The following C4orf50 variants were observed in gnomAD, a reference collection of about 807,000 sequenced individuals.
The protein encoded by C4orf50 is uncharacterized protein C4orf50.
A neutral mutation model predicts 77.2 loss-of-function variants in C4orf50; 80 were observed. The observed-to-expected ratio is 1.04, with a 90% confidence interval of 0.87 to 1.25. The LOEUF (loss-of-function observed/expected upper bound fraction) is 1.25, where lower values mean the gene tolerates loss of function less well. C4orf50 is among the 50% of genes most tolerant of loss of function. The pLI, the probability that C4orf50 is intolerant of heterozygous loss-of-function variation, is 0.00. For missense variants in C4orf50, 1,257 were observed against 1,152.9 expected (o/e 1.09, Z -1.31); for synonymous variants, 532 against 465.3 (o/e 1.14, Z -1.84).
At position 5,963,082 on chromosome 4, in the gene C4orf50, A is replaced by G. The variant is rs188138521; in HGVS notation, c.4275+1942T>C. Among the ~76,000 whole-genome samples, 418 of 149,632 alleles carry G rather than the reference A, an allele frequency of 2.8e-3. 1 individual carries two copies. The highest frequency in any genetic ancestry group is 9.5e-3 in the African/African-American group (385 of 40,656). On this transcript the variant is annotated intron_variant, in intron 33 of 33. Transcript: ENST00000531445. ...AGAGACACGATCTTGGCTCACTACA[A>G]CCTCCGCCTCCCAGGTTCAAGCAAT...
chr4:5,923,510 C>A, intron 7 of C4orf50, among the ~76,000 whole-genome samples: 1 of 151,902 alleles, frequency 6.6e-6, no homozygotes. Flanking sequence ...CCCCACCCCA[C>A]CAGCACAGGT....
At chr4:5,993,857 TAAAA>T (rs10708646) in intron 26 of C4orf50, among the ~76,000 whole-genome samples, 13 of 144,402 alleles carry the variant, frequency 9.0e-5, no homozygotes, top group African/African-American at 2.0e-4. Context: ...TAAAAATAAA[TAAAA>T]AAAAAAAAGA....
chr4:5,934,317 C>A (rs1717912250), intron 7 of C4orf50, among the ~76,000 whole-genome samples: 1 of 152,204 alleles, frequency 6.6e-6, no homozygotes, highest in South Asian at 2.1e-4. Context: ...TCTCTTCCTG[C>A]TCAGACAGCA....
chr4:5,986,518 G>A (rs1720868751), intron 28 of C4orf50, among the ~76,000 whole-genome samples: 1 of 150,486 alleles, frequency 6.6e-6, no homozygotes, highest in Admixed American at 6.7e-5. Flanking sequence ...CAATACAACA[G>A]GGCTAGCTAT....
At chr4:5,974,132 C>G (rs1720114810) in intron 30 of C4orf50, among the ~76,000 whole-genome samples, 1 of 152,216 alleles carries the variant, frequency 6.6e-6, no homozygotes, top group Non-Finnish European at 1.5e-5. Flanking sequence ...CGGACCAGCT[C>G]TGTGAGCAAG....
At chr4:5,964,336 C>A (rs1264359969) in intron 33 of C4orf50, among the ~76,000 whole-genome samples, 1 of 152,056 alleles carries the variant, frequency 6.6e-6, no homozygotes, top group Admixed American at 6.5e-5. Context: ...AGCACTGGAA[C>A]TCCTTGTCGA....
Position 6,011,617 on chromosome 4 carries a change from T to C in C4orf50, c.426+213A>G, listed in dbSNP as rs1228221292. Among the ~76,000 whole-genome samples the C allele has an allele frequency of 6.6e-6, 1 of 152,060 alleles. No homozygotes were observed. Among genetic ancestry groups the C allele is most frequent in the African/African-American group, 2.4e-5 (1 of 41,384 alleles). On this transcript the variant is annotated intron_variant, in intron 24 of 33. Coordinates refer to ENST00000531445, the Ensembl canonical transcript of C4orf50. The surrounding 1 kb of genome is among the most constrained non-coding windows in gnomAD (Gnocchi z 4.2). Reference sequence around the variant, plus strand: ...CGCTGAGGTCCTCAGGCACAAGAGCTTCCAGCAAGTGTACAGCCCCCACCC... The same window carrying C: ...CGCTGAGGTCCTCAGGCACAAGAGCCTCCAGCAAGTGTACAGCCCCCACCC...
intron 7 of C4orf50, among the ~76,000 whole-genome samples, chr4:5,950,900 T>A (rs1718687067): frequency 1.3e-5 from 2 of 152,024 alleles, no homozygotes; most frequent in Non-Finnish European, 2.9e-5. Flanking sequence ...GATGGGTGGA[T>A]GAATGAATGA....
intron 29 of C4orf50, among the ~76,000 whole-genome samples, chr4:5,979,799 T>C (rs1032135900): frequency 6.6e-6 from 1 of 152,262 alleles, no homozygotes; most frequent in East Asian, 1.9e-4. Flanking sequence ...TTTAAACGTG[T>C]GTGTCTGCGT....
chr4:5,987,384 C>T (rs1305349023), intron 28 of C4orf50, among the ~76,000 whole-genome samples: 2 of 110,270 alleles, frequency 1.8e-5, no homozygotes, highest in African/African-American at 3.6e-5. Context: ...GCACTCCAGC[C>T]TGGGTGACAG....
intron 25 of C4orf50, among the ~76,000 whole-genome samples, chr4:6,003,868 G>A (rs1721993114): frequency 7.0e-6 from 1 of 142,996 alleles, no homozygotes; most frequent in Admixed American, 7.0e-5. Flanking sequence ...TGGTGATGGT[G>A]ATGATGGTGA....
At chr4:5,952,614 T>C (rs1480292059), downstream of C4orf50, among the ~76,000 whole-genome samples, 2 of 152,130 alleles carry the variant, frequency 1.3e-5, no homozygotes, top group Non-Finnish European at 2.9e-5. This position sits in a 1 kb window ranked among gnomAD's most constrained non-coding sequence, Gnocchi z 4.4. Flanking sequence ...CCACTTCCCG[T>C]CCTTAAGGGA....
chr4:5,949,602 G>A (rs559932036), intron 7 of C4orf50, among the ~76,000 whole-genome samples: 53 of 152,288 alleles, frequency 3.5e-4, no homozygotes, highest in African/African-American at 1.2e-3. Flanking sequence ...AAGATGAGAA[G>A]GGTTCTGTGG....
At chr4:5,967,543 G>T in intron 31 of C4orf50, 81 bp from the exon 10 acceptor site, 2 of 1,301,230 alleles carry the variant, frequency 1.5e-6, no homozygotes, top group Non-Finnish European at 2.2e-6. Context: ...ATTGGACCAA[G>T]CAGGGCCATC....
At position 5,992,140 on chromosome 4, in the gene C4orf50, G is replaced by A. The variant is rs1001379527; in HGVS notation, c.1221+663C>T. 3.3e-5 allele frequency among the ~76,000 whole-genome samples: 5 copies of A among 152,150 alleles called. No homozygotes were observed. Among genetic ancestry groups the A allele is most frequent in the South Asian group, 4.1e-4 (2 of 4,828 alleles). On this transcript the variant is annotated intron_variant, in intron 27 of 33. Transcript: ENST00000531445. This position sits in a 1 kb window ranked among gnomAD's most constrained non-coding sequence, Gnocchi z 5.0. ...GCCCTGGGCTTCAAGGGAAGGGGGC[G>A]GTGAGGAGCGAGGCATATAGGGATG... is the stretch of plus-strand genomic sequence containing the variant.
Position 5,978,499 on chromosome 4 carries a change from A to G in C4orf50, c.3864+1675T>C, listed in dbSNP as rs147465674. On this transcript the variant is annotated intron_variant, in intron 29 of 33. Transcript: ENST00000531445. ...GAAAAAAGAATGAAAATAATTTCAA[A>G]TATACTTAAAGTCTAATTCATGTGT... is the stretch of plus-strand genomic sequence containing the variant. Among the ~76,000 whole-genome samples the G allele has an allele frequency of 5.7e-3, 861 of 152,344 alleles. 4 individuals are homozygous for G. Among genetic ancestry groups the G allele is most frequent in the Middle Eastern group, 0.017 (5 of 294 alleles).
chr4:5,943,293 T>C (rs1281052761), intron 7 of C4orf50, among the ~76,000 whole-genome samples: 3 of 152,244 alleles, frequency 2.0e-5, no homozygotes, highest in South Asian at 4.1e-4. Flanking sequence ...AGTATCTTCA[T>C]GGTTCTGTTT....
rs1224290565 is a variant in C4orf50 at position 6,000,307 on chromosome 4, C to T, written c.964-5831G>A. Among the ~76,000 whole-genome samples, 10 of 152,112 alleles carry T rather than the reference C, an allele frequency of 6.6e-5. No homozygotes were observed. The highest frequency in any genetic ancestry group is 1.3e-4 in the Admixed American group (2 of 15,262). On this transcript the variant is annotated intron_variant, in intron 25 of 33. Coordinates refer to ENST00000531445, the Ensembl canonical transcript of C4orf50. The surrounding 1 kb of genome is among the most constrained non-coding windows in gnomAD (Gnocchi z 6.0). ...CAATTTCCACCAAGACATGAAGAGC[C>T]GCATCTGGCTTTGCAGTTCCTTATC... is the stretch of plus-strand genomic sequence containing the variant.
intron 29 of C4orf50, among the ~76,000 whole-genome samples, chr4:5,978,479 A>C (rs1577958800): frequency 6.6e-6 from 1 of 152,238 alleles, no homozygotes; most frequent in East Asian, 1.9e-4. Flanking sequence ...AGAAAGAAAA[A>C]AGAATGAAAA....
Sources: gnomAD v4.1 joint callset for allele counts (sites outside exome capture counted in the v4.1 genomes callset) on GRCh38, gnomAD v4.1.1 for gene constraint, Gnocchi (gnomAD v3.1) non-coding constraint, MANE v1.5 for transcripts, NCBI Gene and HGNC (gene_info 2026-07-23, HGNC 2026-07-21) for gene names.